BDNF: variants seen among roughly 807,000 people sequenced by gnomAD.
The protein encoded by BDNF is brain derived neurotrophic factor.
In BDNF, 1 loss-of-function variant was observed where a neutral mutation model predicts 19.5. The ratio of observed to expected loss-of-function variants is 0.05; its 90% CI spans 0.02 to 0.24. The LOEUF is 0.24. Ranked by LOEUF, BDNF falls within the 10% of genes least tolerant of loss-of-function variation. BDNF has a pLI of 1.00. For missense variants in BDNF, 195 were observed against 317.6 expected, an observed-to-expected ratio of 0.61 and a Z score of 2.93; for synonymous variants, 100 against 121.6, an observed-to-expected ratio of 0.82 and a Z score of 1.17.
chr11:27,721,766 T>C (rs1860743048), exon 1 of BDNF: 3 of 371,584 alleles, frequency 8.1e-6, no homozygotes, highest in African/African-American at 6.1e-5. Context: ...CCCTGCTATG[T>C]AGCAGGTGTT....
Position 27,657,261 on chromosome 11 carries a change from AAAAC to A in BDNF, c.*556_*559del, listed in dbSNP as rs1305704173. 1.5e-5 allele frequency: 15 copies of A among 987,472 alleles called. No homozygotes were observed. The highest frequency in any genetic ancestry group is 1.1e-4 in the East Asian group (1 of 8,882). The allele number at this position is 987,472 out of a possible 1,614,324, so 61.2% of individuals were successfully genotyped here. ...AAACAAACAAACGAAAAAAAAACAC[AAAAC>A]AAACAAAAATATACCCCCCATCCCC... On this transcript the variant is annotated 3_prime_UTR_variant, in exon 2 of 2. Coordinates refer to ENST00000356660, the MANE Select transcript of BDNF (RefSeq NM_001709.5). The surrounding 1 kb of genome is among the most constrained non-coding windows in gnomAD (Gnocchi z 5.0).
chr11:27,670,775 G>A (rs1047799123), intron 1 of BDNF, among the ~76,000 whole-genome samples: 7 of 152,198 alleles, frequency 4.6e-5, no homozygotes, highest in African/African-American at 9.6e-5. Context: ...TGGAAAGGAT[G>A]TAGAGAAATA....
intron 1 of BDNF, chr11:27,699,690 G>A (rs1859658989): frequency 4.3e-6 from 6 of 1,404,576 alleles, no homozygotes; most frequent in Non-Finnish European, 5.5e-6. Flanking sequence ...AAGGGATGCG[G>A]GCTGAAGGCG....
At chr11:27,661,826 C>T (rs926923436) in intron 1 of BDNF, among the ~76,000 whole-genome samples, 19 of 152,290 alleles carry the variant, frequency 1.2e-4, no homozygotes, top group East Asian at 9.7e-4. Flanking sequence ...TTCCATTCCT[C>T]TGACAAACTC....
intron 1 of BDNF, among the ~76,000 whole-genome samples, chr11:27,668,186 T>G (rs1854700029): frequency 6.6e-6 from 1 of 152,160 alleles, no homozygotes; most frequent in Non-Finnish European, 1.5e-5. Flanking sequence ...CTTAACGAAG[T>G]GAAGGCAGAA....
In BDNF at chr11:27,700,354, G is replaced by A; in HGVS notation, c.-212C>T. The stretch of plus-strand genomic sequence containing the variant: ...GCGCACCGGGCTGGCTCCTCTGTCC[G>A]GCCCGGGAGCCCGAGGCGCTACGGG... On this transcript the variant is annotated 5_prime_UTR_variant, in exon 1 of 2. Coordinates refer to ENST00000356660, the MANE Select transcript of BDNF (RefSeq NM_001709.5). 2.0e-6 allele frequency: 2 copies of A among 985,494 alleles called. No individual in the cohort carries two copies. Among genetic ancestry groups the A allele is most frequent in the African/African-American group, 1.7e-5 (1 of 57,308 alleles). The allele number at this position is 985,494 out of a possible 1,614,324, so 61.0% of individuals were successfully genotyped here.
At chr11:27,688,833 C>T (rs1590393092) in intron 1 of BDNF, among the ~76,000 whole-genome samples, 2 of 152,340 alleles carry the variant, frequency 1.3e-5, no homozygotes, top group Admixed American at 6.5e-5. Flanking sequence ...CTGGGAGCTG[C>T]AGACTGCAGC....
intron 1 of BDNF, among the ~76,000 whole-genome samples, chr11:27,698,401 T>C (rs2134070303): frequency 6.6e-6 from 1 of 152,312 alleles, no homozygotes; most frequent in East Asian, 1.9e-4. Context: ...CTTGAAACGC[T>C]ACATGCCATA....
At chr11:27,699,447 C>T in intron 1 of BDNF, 1 of 1,614,160 alleles carries the variant, frequency 6.2e-7, no homozygotes, top group Non-Finnish European at 8.5e-7. Flanking sequence ...CACGTACATC[C>T]CAACCACTCC....
At chr11:27,674,528 A>C (rs1379832582) in intron 1 of BDNF, 1 of 985,244 alleles carries the variant, frequency 1.0e-6, no homozygotes, top group Non-Finnish European at 1.2e-6. Context: ...GACCCTATTC[A>C]AGAAACTGGC....
At chr11:27,693,592 C>T (rs894366275) in intron 1 of BDNF, among the ~76,000 whole-genome samples, 2 of 152,126 alleles carry the variant, frequency 1.3e-5, no homozygotes, top group African/African-American at 4.8e-5. Flanking sequence ...AAGAGGAATA[C>T]CTTCGAGAGT....
chr11:27,662,367 A>G (rs1200320072), intron 1 of BDNF, among the ~76,000 whole-genome samples: 3 of 152,220 alleles, frequency 2.0e-5, no homozygotes. Flanking sequence ...AAACTTACTG[A>G]TAGGTTTATT....
chr11:27,665,134 A>C (rs1285766821), intron 1 of BDNF: 1 of 152,238 alleles, frequency 6.6e-6, no homozygotes, highest in Non-Finnish European at 1.5e-5. Context: ...GTTACAATTC[A>C]CTGAAGTTTA....
At chr11:27,671,663 T>C (rs968510040) in intron 1 of BDNF, among the ~76,000 whole-genome samples, 8 of 152,144 alleles carry the variant, frequency 5.3e-5, no homozygotes, top group Non-Finnish European at 1.5e-5. Context: ...ATTAGAGTTT[T>C]AGGAAATGTA....
intron 1 of BDNF, among the ~76,000 whole-genome samples, chr11:27,672,088 T>C (rs555823130): frequency 6.6e-6 from 1 of 152,320 alleles, no homozygotes; most frequent in East Asian, 1.9e-4. Flanking sequence ...GGAAAATATC[T>C]TTGCTTTTGT....
At position 27,690,183 on chromosome 11, in the gene BDNF, T is replaced by C. The variant is rs1858054355; in HGVS notation, c.-22+9981A>G. Among the ~76,000 whole-genome samples, 6 of 152,176 alleles carry C rather than the reference T, an allele frequency of 3.9e-5. No homozygotes were observed. In the South Asian group the frequency reaches 1.2e-3, roughly 32 times the overall value. ...ATGATTATTTCTAAACATTATACAATGCAAAAAAATTCACATGTTTAAAGA... is the reference window on the plus strand; with the variant it reads ...ATGATTATTTCTAAACATTATACAACGCAAAAAAATTCACATGTTTAAAGA... On this transcript the variant is annotated intron_variant, in intron 1 of 1. Transcript: ENST00000356660.
chr11:27,685,879 A>G (rs1231729443), intron 1 of BDNF, among the ~76,000 whole-genome samples: 1 of 152,176 alleles, frequency 6.6e-6, no homozygotes, highest in East Asian at 1.9e-4. Flanking sequence ...TATTCTGTTG[A>G]TATGGGGTGG....
At chr11:27,699,937 T>C (rs894548832) in intron 1 of BDNF, among the ~76,000 whole-genome samples, 2 of 152,178 alleles carry the variant, frequency 1.3e-5, no homozygotes, top group Non-Finnish European at 2.9e-5. Flanking sequence ...CTCTACTTCG[T>C]GACTTCCCCG....
rs183683818 is a variant in BDNF at position 27,674,492 on chromosome 11, A to G, written c.-21-15907T>C. On this transcript the variant is annotated intron_variant, in intron 1 of 1. Transcript: ENST00000356660. Reference sequence around the variant, plus strand: ...CAACAGCACGAGTAAGGCAGTTTCCAGGCCCTGTGCATAATGAGCCATGTG... The same window carrying G: ...CAACAGCACGAGTAAGGCAGTTTCCGGGCCCTGTGCATAATGAGCCATGTG... 5.8e-4 allele frequency: 808 copies of G among 1,399,880 alleles called. 1 individual carries two copies. Among genetic ancestry groups the G allele is most frequent in the Non-Finnish European group, 6.7e-4 (728 of 1,080,530 alleles). 86.7% of individuals were successfully genotyped at this position (1,399,880 alleles called of 1,614,324 possible).
Sources: gnomAD v4.1 joint callset for allele counts (sites outside exome capture counted in the v4.1 genomes callset) on GRCh38, gnomAD v4.1.1 for gene constraint, Gnocchi (gnomAD v3.1) non-coding constraint, MANE v1.5 for transcripts, NCBI Gene and HGNC (gene_info 2026-07-23, HGNC 2026-07-21) for gene names.